The following PCDHA2 variants were observed in gnomAD, a reference collection of about 807,000 sequenced individuals.
The protein encoded by PCDHA2 is protocadherin alpha 2.
A neutral mutation model predicts 66.0 loss-of-function variants in PCDHA2; 58 were observed. That is an observed-to-expected ratio of 0.88 (90% CI 0.71 to 1.09). PCDHA2 has a LOEUF of 1.09. Ranked by LOEUF, PCDHA2 falls within the 50% of genes least tolerant of loss-of-function variation. The pLI is 0.00. For missense variants in PCDHA2, 1,267 were observed against 1,242.3 expected (o/e 1.02, Z -0.30); for synonymous variants, 634 against 554.0 (o/e 1.14, Z -2.03).
At chr5:140,993,431 C>T (rs1171497178) in intron 3 of PCDHA2, among the ~76,000 whole-genome samples, 1 of 149,406 alleles carries the variant, frequency 6.7e-6, no homozygotes, top group African/African-American at 2.5e-5. Context: ...TTTTAAAATC[C>T]TTATTCATTC....
chr5:140,836,220 C>A lies in PCDHA2; in HGVS notation c.2388+38868C>A, dbSNP rs2150255697. The stretch of plus-strand genomic sequence containing the variant: ...CGCGTGGCTTTCGTATGAGTTGCAA[C>A]CGGTGGCGGCCGGTGCGAGCATCCC... On this transcript the variant is annotated intron_variant, in intron 1 of 3. Coordinates refer to ENST00000526136, the MANE Select transcript of PCDHA2 (RefSeq NM_018905.3). The A allele has an allele frequency of 4.3e-6, 7 of 1,613,810 alleles. No homozygotes were observed. The Admixed American group carries it at 1.2e-4, about 27-fold the overall frequency.
chr5:140,976,374 A>G (rs1163913998), intron 1 of PCDHA2, among the ~76,000 whole-genome samples: 2 of 152,040 alleles, frequency 1.3e-5, no homozygotes, highest in Non-Finnish European at 2.9e-5. Context: ...AACATGGTGA[A>G]ACCCCATCTC....
At chr5:140,984,634 C>G (rs540344154) in intron 3 of PCDHA2, among the ~76,000 whole-genome samples, 4 of 152,298 alleles carry the variant, frequency 2.6e-5, no homozygotes, top group African/African-American at 9.6e-5. Context: ...AAGGGATTCT[C>G]TGCCTTCTCC....
intron 1 of PCDHA2, among the ~76,000 whole-genome samples, chr5:140,873,200 T>C (rs1462660228): frequency 6.6e-6 from 1 of 152,228 alleles, no homozygotes; most frequent in Non-Finnish European, 1.5e-5. Context: ...GCTAAAAACA[T>C]TCTTTAAGTA....
At chr5:140,806,957 T>TC in intron 1 of PCDHA2, 1 of 595,210 alleles carries the variant, frequency 1.7e-6, no homozygotes, top group Non-Finnish European at 3.0e-6. Flanking sequence ...TGTGGGGGTT[T>TC]CCACAATTGC....
At chr5:140,847,615 C>T (rs1488974977) in intron 1 of PCDHA2, 1 of 149,268 alleles carries the variant, frequency 6.7e-6, no homozygotes, top group Non-Finnish European at 1.5e-5. Flanking sequence ...AATAACATTA[C>T]ACAAACTATA....
chr5:140,854,644 T>C (rs1213707122), intron 1 of PCDHA2: 1 of 150,056 alleles, frequency 6.7e-6, no homozygotes, highest in African/African-American at 2.4e-5. Flanking sequence ...AAAACATCAT[T>C]AAATAAAATA....
At chr5:140,862,364 C>T in intron 1 of PCDHA2, 1 of 339,652 alleles carries the variant, frequency 2.9e-6, no homozygotes, top group Non-Finnish European at 5.8e-6. Flanking sequence ...ACAGACGACC[C>T]GCACCCTGAC....
chr5:140,875,537 C>A, intron 1 of PCDHA2: 1 of 1,614,130 alleles, frequency 6.2e-7, no homozygotes, highest in South Asian at 1.1e-5. Context: ...CTGCTCCTTG[C>A]AGCCTGGGAG....
chr5:140,915,209 AG>A lies in PCDHA2; in HGVS notation c.2389-63739del, dbSNP rs2077027084. On this transcript the variant is annotated intron_variant, in intron 1 of 3. Coordinates refer to ENST00000526136, the MANE Select transcript of PCDHA2 (RefSeq NM_018905.3). ...TGATCCGCCCATCTTGGCCTCCCAAAGTGCTGGGATTACAGGCATGAGCCAC... is the reference window on the plus strand; with the variant it reads ...TGATCCGCCCATCTTGGCCTCCCAAATGCTGGGATTACAGGCATGAGCCAC... 2.6e-5 allele frequency among the ~76,000 whole-genome samples: 4 copies of A among 152,034 alleles called. No individual in the cohort carries two copies. The South Asian group carries it at 8.3e-4, about 32-fold the overall frequency.
At chr5:140,855,753 G>A (rs1461376517) in intron 1 of PCDHA2, 1 of 333,040 alleles carries the variant, frequency 3.0e-6, no homozygotes, top group African/African-American at 2.1e-5. Context: ...GTGAGGCTTT[G>A]AAAGTCCATA....
intron 1 of PCDHA2, chr5:140,853,078 AC>A (rs1285082508): frequency 6.7e-6 from 2 of 297,432 alleles, no homozygotes; most frequent in African/African-American, 4.6e-5. Context: ...ATGGGGTTTC[AC>A]CGTGTTAGTC....
At chr5:140,801,511 A>T in intron 1 of PCDHA2, 5 of 1,614,184 alleles carry the variant, frequency 3.1e-6, no homozygotes, top group Non-Finnish European at 4.2e-6. Context: ...TGCAGCATCC[A>T]CCTGGAGGTG....
At chr5:141,009,500 A>G (rs2098409925) in intron 3 of PCDHA2, 127 bp from the exon 4 acceptor site, 2 of 1,494,658 alleles carry the variant, frequency 1.3e-6, no homozygotes, top group Non-Finnish European at 1.8e-6. Flanking sequence ...TCAGACTTGA[A>G]CAAACAACTC....
chr5:140,947,083 A>T (rs1268359945), intron 1 of PCDHA2, among the ~76,000 whole-genome samples: 1 of 151,728 alleles, frequency 6.6e-6, no homozygotes, highest in African/African-American at 2.4e-5. Context: ...TTGAAACATC[A>T]GACTGTAGCC....
chr5:140,876,212 A>G lies in PCDHA2; in HGVS notation c.2388+78860A>G, dbSNP rs782252921. On this transcript the variant is annotated intron_variant, in intron 1 of 3. Coordinates refer to ENST00000526136, the MANE Select transcript of PCDHA2 (RefSeq NM_018905.3). Reference sequence around the variant, plus strand: ...GGTCCGGCGTTTGATAAGCCCAGCTATAAAGTAGTGTTGTCTGAAAATGTC... The same window carrying G: ...GGTCCGGCGTTTGATAAGCCCAGCTGTAAAGTAGTGTTGTCTGAAAATGTC... 5.6e-6 allele frequency: 9 copies of G among 1,613,994 alleles called. No individual in the cohort carries two copies. In the East Asian group the frequency reaches 2.0e-4, roughly 36 times the overall value.
intron 1 of PCDHA2, among the ~76,000 whole-genome samples, chr5:140,892,669 C>T (rs1361630982): frequency 2.6e-5 from 4 of 152,134 alleles, no homozygotes; most frequent in African/African-American, 9.7e-5. Context: ...CATTTTGATA[C>T]ATATATACAA....
chr5:140,967,127 T>C (rs155808), intron 1 of PCDHA2: 558,768 of 1,612,332 alleles, frequency 0.35, 98,550 homozygotes, highest in East Asian at 0.51. Flanking sequence ...CCTGCTCAGC[T>C]TGGAAGTGCT....
intron 1 of PCDHA2, chr5:140,871,261 C>T (rs1554165342): frequency 3.1e-6 from 5 of 1,613,864 alleles, no homozygotes; most frequent in Admixed American, 3.3e-5. Context: ...GTATACGGCG[C>T]TGTGGTGGTC....
Sources: gnomAD v4.1 joint callset for allele counts (sites outside exome capture counted in the v4.1 genomes callset) on GRCh38, gnomAD v4.1.1 for gene constraint, MANE v1.5 for transcripts, NCBI Gene and HGNC (gene_info 2026-07-23, HGNC 2026-07-21) for gene names.